The following UBR3 variants were observed in gnomAD, a reference collection of about 807,000 sequenced individuals.
The protein encoded by UBR3 is ubiquitin protein ligase E3 component n-recognin 3.
A neutral mutation model predicts 243.2 loss-of-function variants in UBR3; 85 were observed. The ratio of observed to expected loss-of-function variants is 0.35; its 90% confidence interval spans 0.29 to 0.42. The LOEUF (loss-of-function observed/expected upper bound fraction) is 0.42. Ranked by LOEUF, UBR3 falls within the 10% of genes least tolerant of loss-of-function variation. The probability of loss-of-function intolerance (pLI) is 1.00; values close to 1 mark genes in which losing one functional copy is unlikely to be tolerated. For missense variants in UBR3, 1,686 were observed against 2,300.8 expected (o/e 0.73, Z 5.47); for synonymous variants, 748 against 799.8 (o/e 0.94, Z 1.09).
intron 25 of UBR3, among the ~76,000 whole-genome samples, chr2:169,987,573 AT>A (rs1224990188): frequency 2.0e-5 from 3 of 151,200 alleles, no homozygotes; most frequent in African/African-American, 7.3e-5. Context: ...AAACTATATA[AT>A]TTTATTATAA....
intron 1 of UBR3, among the ~76,000 whole-genome samples, chr2:169,829,721 G>C (rs1406880980): frequency 1.3e-5 from 2 of 152,156 alleles, no homozygotes; most frequent in African/African-American, 4.8e-5. Context: ...ACCGCGCCCG[G>C]CCAACATTTG....
chr2:169,959,858 C>T (rs1212440093), intron 24 of UBR3, among the ~76,000 whole-genome samples: 1 of 152,128 alleles, frequency 6.6e-6, no homozygotes, highest in Non-Finnish European at 1.5e-5. Flanking sequence ...AACTGGTTGG[C>T]ATATAGTTGT....
intron 2 of UBR3, among the ~76,000 whole-genome samples, chr2:169,872,744 A>G (rs1203915699): frequency 3.9e-5 from 6 of 152,064 alleles, no homozygotes; most frequent in Non-Finnish European, 5.9e-5. Flanking sequence ...TTTTTAGAAG[A>G]TAAAATGTTT....
chr2:169,864,159 C>T (rs1189903167), intron 1 of UBR3, among the ~76,000 whole-genome samples: 9 of 152,076 alleles, frequency 5.9e-5, no homozygotes, highest in African/African-American at 1.4e-4. Context: ...GATCTTCCTA[C>T]GTCAGCCTCC....
intron 21 of UBR3, among the ~76,000 whole-genome samples, chr2:169,946,900 A>G (rs10497358): frequency 0.42 from 64,273 of 151,860 alleles, 15,201 homozygotes; most frequent in Non-Finnish European, 0.54. Context: ...GTTATATGGG[A>G]GAATGTTTAA....
In UBR3 at chr2:169,855,167, G is replaced by C. The variant is rs541208715; in HGVS notation, c.546-17069G>C. Among the ~76,000 whole-genome samples the C allele has an allele frequency of 1.6e-3, 237 of 152,176 alleles. 1 individual carries two copies. The highest frequency in any genetic ancestry group is 9.1e-4 in the Non-Finnish European group (62 of 67,996). ...TTGAGAAAATGTCTTCACGGGTATG[G>C]AGAAAAGGATGAAAAATTAAGAGAT... On this transcript the variant is annotated intron_variant, in intron 1 of 38. Transcript: ENST00000272793.
At chr2:170,053,439 A>G (rs1441272028) in intron 32 of UBR3, among the ~76,000 whole-genome samples, 1 of 152,192 alleles carries the variant, frequency 6.6e-6, no homozygotes, top group Non-Finnish European at 1.5e-5. Context: ...GTGTGGTTCT[A>G]CTGGAAGAAG....
chr2:169,907,036 C>CTTTT (rs36078695), intron 10 of UBR3, among the ~76,000 whole-genome samples: 121 of 112,232 alleles, frequency 1.1e-3, no homozygotes, highest in Non-Finnish European at 1.6e-3. Flanking sequence ...AAATTTCTTT[C>CTTTT]TTTTTTTTTT....
intron 1 of UBR3, among the ~76,000 whole-genome samples, chr2:169,836,376 C>T (rs542489109): frequency 2.6e-5 from 4 of 151,810 alleles, no homozygotes; most frequent in South Asian, 4.2e-4. Flanking sequence ...TGGGCTACCA[C>T]GCCTGGCCCC....
chr2:170,073,831 A>C (rs1315473100), intron 36 of UBR3, among the ~76,000 whole-genome samples: 1 of 152,216 alleles, frequency 6.6e-6, no homozygotes, highest in African/African-American at 2.4e-5. Context: ...GTTTGGGGTC[A>C]GCAGATTTTT....
intron 30 of UBR3, chr2:170,016,808 T>A: frequency 1.6e-6 from 1 of 625,488 alleles, no homozygotes; most frequent in Non-Finnish European, 2.1e-6. Flanking sequence ...TTTTGTAATT[T>A]AAATTGTTAA....
At chr2:169,989,435 A>G (rs1405995078) in intron 25 of UBR3, among the ~76,000 whole-genome samples, 3 of 152,008 alleles carry the variant, frequency 2.0e-5, no homozygotes, top group Non-Finnish European at 4.4e-5. Flanking sequence ...ACCAATTTGG[A>G]TTTTTCAGAA....
chr2:169,987,548 G>A (rs1428604125), intron 25 of UBR3, among the ~76,000 whole-genome samples: 2 of 151,300 alleles, frequency 1.3e-5, no homozygotes, highest in African/African-American at 4.8e-5. Context: ...GGTATGTTTA[G>A]CAGTCTATAG....
chr2:169,895,073 T>C lies in UBR3; in HGVS notation c.1106-108T>C, dbSNP rs993552747. ...ATATTATTGCATTATTGTAAGGATA[T>C]TTTTAACTTTTAGATACTTTCCCAT... On this transcript the variant is annotated intron_variant, in intron 6 of 38. Transcript: ENST00000272793. 2.8e-6 allele frequency: 3 copies of C among 1,067,842 alleles called. No individual in the cohort carries two copies. The African/African-American group carries it at 4.9e-5, about 18-fold the overall frequency. 66.1% of individuals were successfully genotyped at this position (1,067,842 alleles called of 1,614,324 possible). A position where few individuals can be genotyped will look rare whatever the true frequency, so the allele number is the denominator to read the frequency against.
intron 1 of UBR3, among the ~76,000 whole-genome samples, chr2:169,836,908 C>T (rs181898882): frequency 6.6e-6 from 1 of 152,152 alleles, no homozygotes; most frequent in African/African-American, 2.4e-5. Flanking sequence ...TACTTAATTT[C>T]ATCTTCTAGT....
At chr2:169,979,168 A>G (rs1221988499) in intron 24 of UBR3, among the ~76,000 whole-genome samples, 2 of 152,266 alleles carry the variant, frequency 1.3e-5, no homozygotes, top group Non-Finnish European at 2.9e-5. Context: ...GCTCAGCATC[A>G]TTATCATTAG....
At chr2:169,856,875 C>T (rs932998882) in intron 1 of UBR3, among the ~76,000 whole-genome samples, 1 of 151,944 alleles carries the variant, frequency 6.6e-6, no homozygotes, top group Non-Finnish European at 1.5e-5. Context: ...ACTTTACTAC[C>T]TGGCTAGCAT....
At chr2:169,923,211 G>A (rs930384016) in intron 11 of UBR3, among the ~76,000 whole-genome samples, 10 of 152,110 alleles carry the variant, frequency 6.6e-5, no homozygotes, top group Admixed American at 2.6e-4. Context: ...AGGCTGGTGC[G>A]TTTGGTACTG....
At chr2:169,923,850 A>T in intron 11 of UBR3, 79 bp from the exon 12 acceptor site, 2 of 1,194,226 alleles carry the variant, frequency 1.7e-6, no homozygotes, top group Non-Finnish European at 2.3e-6. Context: ...AGGTGAGAGT[A>T]TGGTTTAAAC....
Sources: gnomAD v4.1 joint callset for allele counts (sites outside exome capture counted in the v4.1 genomes callset) on GRCh38, gnomAD v4.1.1 for gene constraint, MANE v1.5 for transcripts, NCBI Gene and HGNC (gene_info 2026-07-23, HGNC 2026-07-21) for gene names.